Variants in SLC2A9 observed in about 807,000 individuals in gnomAD.
SLC2A9 encodes the protein solute carrier family 2 member 9.
SLC2A9 carries 39 observed loss-of-function variants against 50.6 expected under a neutral mutation model. The ratio of observed to expected loss-of-function variants is 0.77; its 90% CI spans 0.60 to 1.01. The LOEUF is 1.01. SLC2A9 is among the 50% of genes least tolerant of loss of function. SLC2A9 has a pLI of 0.00. For synonymous variants in SLC2A9, 324 were observed against 276.9 expected, an observed-to-expected ratio of 1.17 and a Z score of -1.69; for missense variants, 686 against 677.6, an observed-to-expected ratio of 1.01 and a Z score of -0.14.
intron 5 of SLC2A9, among the ~76,000 whole-genome samples, chr4:9,973,566 A>G (rs1190518790): frequency 6.6e-6 from 1 of 152,062 alleles, no homozygotes; most frequent in Non-Finnish European, 1.5e-5. Context: ...TTGTAGGGAC[A>G]TGGATGAAGC....
intron 2 of SLC2A9, among the ~76,000 whole-genome samples, chr4:9,999,076 CT>C (rs34545348): frequency 0.014 from 2,039 of 143,274 alleles, 18 homozygotes; most frequent in Middle Eastern, 0.049. Flanking sequence ...GTAGGTCCTT[CT>C]TTTTTTTTTT....
chr4:10,037,191 A>G (rs1036945379), intron 1 of SLC2A9, among the ~76,000 whole-genome samples: 1 of 152,254 alleles, frequency 6.6e-6, no homozygotes, highest in Non-Finnish European at 1.5e-5. Context: ...GTATGCAACC[A>G]TGATGACAAT....
rs141865926 is a variant in SLC2A9 at position 9,805,066 on chromosome 4, G to A, written n.421-5825C>T. On this transcript the variant is annotated intron_variant and non_coding_transcript_variant, in intron 3 of 3. Transcript: ENST00000503280. ...AGTTGCCCTGGCCTCGCCCTCTGCC[G>A]GCCTGCAGATCTCCTGCCTGTGTCT... Among the ~76,000 whole-genome samples, 510 of 152,278 alleles carry A rather than the reference G, an allele frequency of 3.3e-3. 4 individuals are homozygous for A. Among genetic ancestry groups the A allele is most frequent in the African/African-American group, 0.011 (478 of 41,566 alleles).
At chr4:9,866,678 A>C (rs1732531038) in intron 10 of SLC2A9, among the ~76,000 whole-genome samples, 1 of 152,078 alleles carries the variant, frequency 6.6e-6, no homozygotes, top group African/African-American at 2.4e-5. Context: ...TACTCCTCCT[A>C]AGGCAGGAGC....
intron 2 of SLC2A9, among the ~76,000 whole-genome samples, chr4:10,002,796 G>A (rs1364696688): frequency 6.6e-6 from 1 of 152,140 alleles, no homozygotes. Flanking sequence ...GAGGTTGCAG[G>A]GAGCCAAGAT....
intron 10 of SLC2A9, among the ~76,000 whole-genome samples, chr4:9,865,352 G>GATT (rs1732281273): frequency 6.6e-6 from 1 of 152,222 alleles, no homozygotes; most frequent in Admixed American, 6.5e-5. Context: ...CCCTGTCATA[G>GATT]ATTTTTCTCT....
Position 10,021,379 on chromosome 4 carries a change from G to A in SLC2A9, c.51C>T (p.Leu17=). The A allele has an allele frequency of 1.2e-6, 2 of 1,614,254 alleles. No homozygotes were observed. The highest frequency in any genetic ancestry group is 1.7e-6 in the Non-Finnish European group (2 of 1,180,040). The change falls in exon 1 of 12, where the codon CTC becomes CTT. Residue 17 remains leucine, a synonymous_variant. Coordinates refer to ENST00000264784, the MANE Select transcript of SLC2A9 (RefSeq NM_020041.3). ...GCCCGGCGTGGCTGGTGTCATCTGTGAGGGGAACTAGGCCCAGTTCCTTGG... is the reference window on the plus strand; with the variant it reads ...GCCCGGCGTGGCTGGTGTCATCTGTAAGGGGAACTAGGCCCAGTTCCTTGG... ...RNSKELGLVP[L]TDDTSHAGPP... is the part of the protein sequence containing the mutation.
At chr4:9,997,017 A>G in intron 2 of SLC2A9, 76 bp from the exon 3 acceptor site, 1 of 1,554,196 alleles carries the variant, frequency 6.4e-7, no homozygotes. Context: ...GTACAAAACA[A>G]AACAGCTTGT....
At chr4:9,818,860 T>C (rs1472982215) in intron 3 of SLC2A9, among the ~76,000 whole-genome samples, 1 of 152,058 alleles carries the variant, frequency 6.6e-6, no homozygotes, top group Non-Finnish European at 1.5e-5. Flanking sequence ...CGGTGGCTCA[T>C]GCCTGTAATC....
chr4:9,779,340 T>G (rs1718008071), downstream of SLC2A9, among the ~76,000 whole-genome samples: 1 of 152,160 alleles, frequency 6.6e-6, no homozygotes, highest in South Asian at 2.1e-4. Flanking sequence ...GAACTTTCCC[T>G]TCACAGCCCT....
At chr4:9,924,481 G>A (rs1235147296) in intron 6 of SLC2A9, among the ~76,000 whole-genome samples, 2 of 152,164 alleles carry the variant, frequency 1.3e-5, no homozygotes, top group Non-Finnish European at 2.9e-5. Context: ...GGTGGGTGGG[G>A]TCCCAGTTGC....
intron 5 of SLC2A9, among the ~76,000 whole-genome samples, chr4:9,959,551 G>A (rs1751903915): frequency 6.6e-6 from 1 of 152,144 alleles, no homozygotes. Context: ...TAAAAGAGTT[G>A]TAAGAGATTG....
At chr4:9,936,460 A>C (rs1050798230) in intron 6 of SLC2A9, among the ~76,000 whole-genome samples, 2 of 152,212 alleles carry the variant, frequency 1.3e-5, no homozygotes, top group African/African-American at 4.8e-5. Context: ...GGCCTTCCAG[A>C]GAGCCAGGGA....
intron 10 of SLC2A9, chr4:9,879,600 G>T: frequency 3.0e-6 from 3 of 985,346 alleles, no homozygotes; most frequent in Non-Finnish European, 2.4e-6. Flanking sequence ...CTTCCATCAG[G>T]ACCGCTCCAT....
chr4:9,856,116 A>T (rs528760436), intron 10 of SLC2A9, among the ~76,000 whole-genome samples: 2 of 152,276 alleles, frequency 1.3e-5, no homozygotes, highest in African/African-American at 4.8e-5. Context: ...TGACTAATGG[A>T]ACCTAATTAA....
intron 10 of SLC2A9, among the ~76,000 whole-genome samples, chr4:9,837,450 G>T (rs902025967): frequency 1.2e-4 from 18 of 152,246 alleles, no homozygotes; most frequent in African/African-American, 3.9e-4. Flanking sequence ...AGGGTTAGGT[G>T]ATGATGTTTC....
Position 9,876,037 on chromosome 4 carries a change from C to T in SLC2A9, c.1291+11530G>A, listed in dbSNP as rs548296494. On this transcript the variant is annotated intron_variant, in intron 10 of 11. Transcript: ENST00000264784. The stretch of plus-strand genomic sequence containing the variant: ...AAAGCGGAAATGAATCTCTGCCATG[C>T]TTTGTCGACAGGGGTGAGAACTGGT... Among the ~76,000 whole-genome samples the T allele has an allele frequency of 1.7e-4, 26 of 152,308 alleles. No homozygotes were observed. The East Asian group carries it at 3.5e-3, about 20-fold the overall frequency.
chr4:9,896,047 A>G (rs1354160648), intron 8 of SLC2A9, among the ~76,000 whole-genome samples: 12 of 152,200 alleles, frequency 7.9e-5, no homozygotes, highest in Non-Finnish European at 1.8e-4. Flanking sequence ...TCCAATTTTC[A>G]GCTCTGAGAA....
At chr4:9,913,320 TGTGTGTGTGTGAGAGA>T (rs1265419947) in intron 7 of SLC2A9, among the ~76,000 whole-genome samples, 1 of 127,588 alleles carries the variant, frequency 7.8e-6, no homozygotes, top group African/African-American at 3.3e-5. Flanking sequence ...TGTGTGTGTG[TGTGTGTGTGTGAGAGA>T]GAGAGAGAGA....
Sources: allele counts gnomAD v4.1 joint callset (sites outside exome capture counted in the v4.1 genomes callset), GRCh38; gene constraint gnomAD v4.1.1; transcripts MANE v1.5; gene names NCBI Gene and HGNC (gene_info 2026-07-23, HGNC 2026-07-21).